CALN1: variants seen among roughly 807,000 people sequenced by gnomAD.
The protein encoded by CALN1 is calneuron 1, also known as calcium-binding protein 8.
A neutral mutation model predicts 30.6 loss-of-function variants in CALN1; 17 were observed. The observed-to-expected ratio is 0.56, with a 90% CI of 0.38 to 0.83. CALN1 has a LOEUF of 0.83. Ranked by LOEUF, CALN1 falls within the 40% of genes least tolerant of loss-of-function variation. The pLI, the probability that CALN1 is intolerant of heterozygous loss-of-function variation, is 0.00. For synonymous variants in CALN1, 156 were observed against 131.4 expected, an observed-to-expected ratio of 1.19 and a Z score of -1.28; for missense variants, 291 against 354.9, an observed-to-expected ratio of 0.82 and a Z score of 1.45.
intron 3 of CALN1, among the ~76,000 whole-genome samples, chr7:72,256,124 G>T (rs1034744920): frequency 6.6e-6 from 1 of 152,068 alleles, no homozygotes; most frequent in African/African-American, 2.4e-5. Flanking sequence ...TATTAGATGG[G>T]GGCTTTTTTG....
intron 2 of CALN1, among the ~76,000 whole-genome samples, chr7:72,375,066 A>G (rs1804476777): frequency 6.6e-6 from 1 of 152,228 alleles, no homozygotes; most frequent in South Asian, 2.1e-4. Flanking sequence ...GATTGTCTTT[A>G]TTTACAGATG....
At chr7:71,883,668 T>C (rs1562869964) in intron 5 of CALN1, among the ~76,000 whole-genome samples, 1 of 152,184 alleles carries the variant, frequency 6.6e-6, no homozygotes, top group Non-Finnish European at 1.5e-5. Context: ...CTGCTCCTTG[T>C]GTAAGAGCAG....
intron 5 of CALN1, among the ~76,000 whole-genome samples, chr7:71,876,709 T>C (rs1792265067): frequency 6.9e-6 from 1 of 144,326 alleles, no homozygotes; most frequent in South Asian, 2.1e-4. Context: ...CATAATGTGT[T>C]TAGAAAACAC....
chr7:71,933,281 C>T (rs1000756036), intron 5 of CALN1, among the ~76,000 whole-genome samples: 10 of 152,118 alleles, frequency 6.6e-5, no homozygotes, highest in African/African-American at 2.4e-4. Flanking sequence ...GGCTTCCCTG[C>T]GTGGTACGTA....
At chr7:72,266,371 G>A (rs1269714186) in intron 3 of CALN1, among the ~76,000 whole-genome samples, 1 of 152,192 alleles carries the variant, frequency 6.6e-6, no homozygotes, top group Non-Finnish European at 1.5e-5. Flanking sequence ...ATGGGGCAAA[G>A]AGTTCCTGCT....
chr7:71,967,506 G>A (rs920339896), intron 5 of CALN1, among the ~76,000 whole-genome samples: 1 of 151,638 alleles, frequency 6.6e-6, no homozygotes, highest in Non-Finnish European at 1.5e-5. Flanking sequence ...GTGCATGCCT[G>A]TAGTCCCAGT....
the CALN1 span, among the ~76,000 whole-genome samples, chr7:72,501,950 C>CACAT: frequency 1.5e-5 from 1 of 68,290 alleles, no homozygotes; most frequent in Non-Finnish European, 2.7e-5. Flanking sequence ...TATATATATA[C>CACAT]ACACATATAT....
chr7:71,837,792 C>G (rs1381293919), intron 5 of CALN1, among the ~76,000 whole-genome samples: 2 of 151,688 alleles, frequency 1.3e-5, no homozygotes, highest in Non-Finnish European at 2.9e-5. Context: ...AGCTATAGAA[C>G]AAAATGGAAA....
intron 3 of CALN1, among the ~76,000 whole-genome samples, chr7:72,108,626 C>T (rs1234680459): frequency 6.6e-6 from 1 of 152,132 alleles, no homozygotes; most frequent in South Asian, 2.1e-4. Context: ...TTACCATACA[C>T]CCTGCCCTTA....
the CALN1 span, among the ~76,000 whole-genome samples, chr7:72,459,225 C>T: frequency 3.9e-5 from 6 of 151,972 alleles, no homozygotes; most frequent in South Asian, 2.1e-4. Flanking sequence ...TATTAACATG[C>T]GAAGTGAGCT....
intron 3 of CALN1, among the ~76,000 whole-genome samples, chr7:72,197,782 G>A (rs1471106802): frequency 6.6e-6 from 1 of 152,178 alleles, no homozygotes; most frequent in Non-Finnish European, 1.5e-5. Context: ...CTTGAGCCCA[G>A]GAGTTCAGCA....
chr7:72,115,459 GATAA>G (rs1208402611), intron 3 of CALN1, among the ~76,000 whole-genome samples: 4 of 140,804 alleles, frequency 2.8e-5, no homozygotes, highest in Admixed American at 2.2e-4. Flanking sequence ...GTTCAGTAAT[GATAA>G]ATACATTACA....
intron 4 of CALN1, among the ~76,000 whole-genome samples, chr7:72,096,742 A>T (rs911855053): frequency 6.6e-6 from 1 of 152,212 alleles, no homozygotes; most frequent in Non-Finnish European, 1.5e-5. Context: ...ATTGTGGAAG[A>T]CAGTGTGGCG....
At chr7:72,079,552 C>T (rs1804974796) in intron 4 of CALN1, among the ~76,000 whole-genome samples, 1 of 152,058 alleles carries the variant, frequency 6.6e-6, no homozygotes, top group Non-Finnish European at 1.5e-5. Context: ...CAATTACTCT[C>T]GCACCAACCT....
intron 1 of CALN1, among the ~76,000 whole-genome samples, chr7:72,410,254 A>T (rs1807030361): frequency 6.6e-6 from 1 of 152,214 alleles, no homozygotes; most frequent in African/African-American, 2.4e-5. Context: ...CTTATGAGCA[A>T]TGAAGTCTCA....
intron 2 of CALN1, among the ~76,000 whole-genome samples, chr7:72,347,986 C>T (rs1192033516): frequency 6.6e-6 from 1 of 151,952 alleles, no homozygotes; most frequent in East Asian, 1.9e-4. Flanking sequence ...CAAAAATTAT[C>T]CAGGCATGGT....
In CALN1 at chr7:72,080,367, C is replaced by T. The variant is rs565518992; in HGVS notation, c.388+25784G>A. ...TTGCAAATAAATCTTTTCTCTTTTG[C>T]AAAACCCGTGTCACAGGGATTGATT... is the stretch of plus-strand genomic sequence containing the variant. On this transcript the variant is annotated intron_variant, in intron 4 of 6. Coordinates refer to ENST00000395275, the MANE Select transcript of CALN1 (RefSeq NM_031468.4). Among the ~76,000 whole-genome samples, 83 of 152,278 alleles carry T rather than the reference C, an allele frequency of 5.5e-4. 1 individual carries two copies. In the South Asian group the frequency reaches 0.017, roughly 30 times the overall value.
At chr7:72,202,267 T>C (rs1374600777) in intron 3 of CALN1, among the ~76,000 whole-genome samples, 2 of 152,108 alleles carry the variant, frequency 1.3e-5, no homozygotes, top group Admixed American at 6.6e-5. Flanking sequence ...TCCAAGAATG[T>C]AGAGGAAAAG....
intron 3 of CALN1, among the ~76,000 whole-genome samples, chr7:72,177,714 G>A (rs1287434092): frequency 7.1e-6 from 1 of 140,688 alleles, no homozygotes; most frequent in East Asian, 2.1e-4. Flanking sequence ...GCAGTGAGCT[G>A]AAATTGCACC....
Sources: gnomAD v4.1 joint callset for allele counts (sites outside exome capture counted in the v4.1 genomes callset) on GRCh38, gnomAD v4.1.1 for gene constraint, MANE v1.5 for transcripts, NCBI Gene and HGNC (gene_info 2026-07-23, HGNC 2026-07-21) for gene names.